Variants in LRMDA observed in about 807,000 individuals in gnomAD.
LRMDA encodes leucine rich melanocyte differentiation associated, also known as leucine-rich melanocyte differentiation-associated protein.
LRMDA carries 18 observed loss-of-function variants against 29.8 expected under a neutral mutation model. The observed-to-expected ratio is 0.60, with a 90% CI of 0.42 to 0.90. The LOEUF is 0.90. Ranked by LOEUF, LRMDA falls within the 40% of genes least tolerant of loss-of-function variation. LRMDA has a pLI of 0.00. For synonymous variants in LRMDA, 125 were observed against 109.4 expected, an observed-to-expected ratio of 1.14 and a Z score of -0.89; for missense variants, 273 against 273.9, an observed-to-expected ratio of 1.00 and a Z score of 0.02.
intron 2 of LRMDA, among the ~76,000 whole-genome samples, chr10:75,975,767 G>C (rs115290639): frequency 6.6e-6 from 1 of 152,148 alleles, no homozygotes; most frequent in Non-Finnish European, 1.5e-5. Context: ...TACAGCATCT[G>C]TCTCAGGCTG....
At chr10:76,196,836 CT>C (rs1354409116) in intron 5 of LRMDA, among the ~76,000 whole-genome samples, 1 of 152,230 alleles carries the variant, frequency 6.6e-6, no homozygotes, top group Non-Finnish European at 1.5e-5. Context: ...CGTATTTCAA[CT>C]TAGCACAGGG....
intron 2 of LRMDA, among the ~76,000 whole-genome samples, chr10:75,981,679 C>T (rs1589275892): frequency 6.6e-6 from 1 of 152,108 alleles, no homozygotes; most frequent in Non-Finnish European, 1.5e-5. Context: ...TGGTGAAACC[C>T]CAGCTCTACT....
intron 2 of LRMDA, among the ~76,000 whole-genome samples, chr10:75,868,926 T>A (rs1008909175): frequency 6.6e-6 from 1 of 152,112 alleles, no homozygotes; most frequent in Non-Finnish European, 1.5e-5. Context: ...AGAAAGGACA[T>A]CCTGTCCTCC....
At chr10:76,475,790 T>G (rs1350605613) in intron 6 of LRMDA, among the ~76,000 whole-genome samples, 1 of 152,130 alleles carries the variant, frequency 6.6e-6, no homozygotes, top group East Asian at 1.9e-4. Context: ...AACCTGCTCC[T>G]GAATGACTAC....
At chr10:76,157,118 T>C (rs542550647) in intron 5 of LRMDA, among the ~76,000 whole-genome samples, 1 of 151,914 alleles carries the variant, frequency 6.6e-6, no homozygotes, top group Non-Finnish European at 1.5e-5. Flanking sequence ...GAAAGGGGAG[T>C]TAGTTGCTAA....
At chr10:75,565,567 G>T (rs1015421359) in intron 2 of LRMDA, among the ~76,000 whole-genome samples, 1 of 151,740 alleles carries the variant, frequency 6.6e-6, no homozygotes, top group African/African-American at 2.4e-5. Context: ...TGACTTGGAG[G>T]TGCTGAAGTA....
rs1050931812 is a variant in LRMDA, at chr10:75,630,161, C to A, written c.131+191667C>A. 2.0e-5 allele frequency among the ~76,000 whole-genome samples: 3 copies of A among 152,100 alleles called. No individual in the cohort carries two copies. In the East Asian group the frequency reaches 5.8e-4, roughly 29 times the overall value. ...ATCCCTTCTCGTGGAGTTGGCAGACCCACGGCCCTCCTGCTGCATTTTCCT... is the reference window on the plus strand; with the variant it reads ...ATCCCTTCTCGTGGAGTTGGCAGACACACGGCCCTCCTGCTGCATTTTCCT... On this transcript the variant is annotated intron_variant, in intron 2 of 6. Coordinates refer to ENST00000611255, the MANE Select transcript of LRMDA (RefSeq NM_001305581.2).
chr10:76,132,966 C>CTTTT (rs35997711), intron 5 of LRMDA, among the ~76,000 whole-genome samples: 18 of 57,378 alleles, frequency 3.1e-4, no homozygotes, highest in East Asian at 7.3e-4. Flanking sequence ...CCACGCCCGG[C>CTTTT]TTTTTTTTTT....
chr10:76,379,752 A>G (rs1263361772), intron 6 of LRMDA, among the ~76,000 whole-genome samples: 3 of 151,936 alleles, frequency 2.0e-5, no homozygotes, highest in African/African-American at 7.3e-5. Context: ...TTCTTCTGCT[A>G]GCTTTGGGTT....
chr10:75,662,545 C>T (rs1208779381), intron 2 of LRMDA, among the ~76,000 whole-genome samples: 1 of 152,164 alleles, frequency 6.6e-6, no homozygotes, highest in Non-Finnish European at 1.5e-5. Context: ...TAGATAAAAA[C>T]TTTATCATCC....
chr10:75,787,147 C>T lies in LRMDA; in HGVS notation c.132-248861C>T, dbSNP rs552440256. ...GTGTCTCTATCTTTTCTGGCTCTTC[C>T]GCATGCTTGGTGGTGGTTCGATATT... is the stretch of plus-strand genomic sequence containing the variant. On this transcript the variant is annotated intron_variant, in intron 2 of 6. Coordinates refer to ENST00000611255, the MANE Select transcript of LRMDA (RefSeq NM_001305581.2). Among the ~76,000 whole-genome samples, 23 of 152,230 alleles carry T rather than the reference C, an allele frequency of 1.5e-4. No individual in the cohort carries two copies. In the East Asian group the frequency reaches 2.7e-3, roughly 18 times the overall value.
intron 5 of LRMDA, among the ~76,000 whole-genome samples, chr10:76,324,139 T>A: frequency 6.6e-6 from 1 of 152,172 alleles, no homozygotes; most frequent in East Asian, 1.9e-4. Flanking sequence ...TTTTTCCTCC[T>A]CCCTCCTTTC....
intron 1 of LRMDA, among the ~76,000 whole-genome samples, chr10:75,432,513 C>G (rs1281749408): frequency 6.6e-6 from 1 of 152,242 alleles, no homozygotes; most frequent in African/African-American, 2.4e-5. Context: ...GACCAGGTGT[C>G]TTTCTTACCT....
intron 6 of LRMDA, among the ~76,000 whole-genome samples, chr10:76,546,679 A>T (rs1017706480): frequency 1.3e-5 from 2 of 152,008 alleles, no homozygotes; most frequent in South Asian, 2.1e-4. Context: ...ATTTGTGTTT[A>T]CTCCTTCCCT....
At chr10:75,642,504 A>G (rs1841465909) in intron 2 of LRMDA, 1 of 152,132 alleles carries the variant, frequency 6.6e-6, no homozygotes, top group South Asian at 2.1e-4. Flanking sequence ...GGTAGTGAAT[A>G]TATTTTCTGC....
chr10:75,947,446 T>C (rs1219873957), intron 2 of LRMDA, among the ~76,000 whole-genome samples: 2 of 152,140 alleles, frequency 1.3e-5, no homozygotes, highest in Admixed American at 6.5e-5. Context: ...GTGCTCCCAT[T>C]GCTGGGCTCC....
chr10:76,288,263 G>T (rs1030350417), intron 5 of LRMDA, among the ~76,000 whole-genome samples: 1 of 152,112 alleles, frequency 6.6e-6, no homozygotes, highest in Non-Finnish European at 1.5e-5. Context: ...ATTACCATTT[G>T]ACCCAACAAT....
chr10:76,290,411 CTTTTTTTTTTTTTT>C lies in LRMDA; in HGVS notation c.517-33978_517-33965del, dbSNP rs11321369. ...ACTGTACAATTTAGGTTTATTTTCT[CTTTTTTTTTTTTTT>C]TTTTTTTTTTTGAGACAGAGTCTCA... is the stretch of plus-strand genomic sequence containing the variant. On this transcript the variant is annotated intron_variant, in intron 5 of 6. Transcript: ENST00000611255. Among the ~76,000 whole-genome samples, 503 of 76,808 alleles carry C rather than the reference CTTTTTTTTTTTTTT, an allele frequency of 6.5e-3. 29 individuals carry two copies. The East Asian group carries it at 0.15, about 22-fold the overall frequency. 50.4% of individuals were successfully genotyped at this position (76,808 alleles called of 152,430 possible).
intron 2 of LRMDA, among the ~76,000 whole-genome samples, chr10:75,520,043 G>C (rs1318140299): frequency 1.3e-5 from 2 of 152,204 alleles, no homozygotes; most frequent in Non-Finnish European, 2.9e-5. Flanking sequence ...TCTGCTGAGA[G>C]ATCCACTGTT....
Sources: gnomAD v4.1 joint callset for allele counts (sites outside exome capture counted in the v4.1 genomes callset) on GRCh38, gnomAD v4.1.1 for gene constraint, MANE v1.5 for transcripts, NCBI Gene and HGNC (gene_info 2026-07-23, HGNC 2026-07-21) for gene names.